ZDBF2: variants seen among roughly 807,000 people sequenced by gnomAD.
The protein encoded by ZDBF2 is DBF4-type zinc finger-containing protein 2.
In ZDBF2, 6 loss-of-function variants were observed where a neutral mutation model predicts 9.4. The observed-to-expected ratio is 0.64, with a 90% confidence interval of 0.35 to 1.27. The LOEUF is 1.27. Ranked by LOEUF, ZDBF2 falls within the 50% of genes most tolerant of loss-of-function variation. The pLI, the probability that ZDBF2 is intolerant of heterozygous loss-of-function variation, is 0.03. For synonymous variants in ZDBF2, 905 were observed against 946.3 expected (o/e 0.96, Z 0.80); for missense variants, 2,697 against 2,766.8 (o/e 0.97, Z 0.57).
At position 206,307,770 on chromosome 2, in the gene ZDBF2, CT is replaced by C. The variant is rs762467328; in HGVS notation, c.3246del (p.Phe1082LeufsTer13). On this transcript the variant is annotated frameshift_variant, in exon 5 of 5. Transcript: ENST00000374423. LOFTEE classifies it low-confidence loss of function (END_TRUNC). Reference sequence around the variant, plus strand: ...AGTAAATCAGGTGATTCTAAAATAACTTTTGATTCTGAACAACTTCAGGAAG... The same window carrying C: ...AGTAAATCAGGTGATTCTAAAATAACTTTGATTCTGAACAACTTCAGGAAG... The part of the protein sequence containing the change: ...KNSKSGDSKI[T>X]FDSEQLQEAV... The C allele has an allele frequency of 6.2e-7, 1 of 1,610,900 alleles. No homozygotes were observed. Among genetic ancestry groups the C allele is most frequent in the Non-Finnish European group, 8.5e-7 (1 of 1,179,156 alleles).
At chr2:206,302,738 TTATTTTC>T (rs972821795) in intron 4 of ZDBF2, among the ~76,000 whole-genome samples, 1 of 152,174 alleles carries the variant, frequency 6.6e-6, no homozygotes, top group Non-Finnish European at 1.5e-5. Flanking sequence ...AGGGTTAACT[TTATTTTC>T]TAAATTCAAA....
At chr2:206,301,595 A>T (rs1692502594) in intron 4 of ZDBF2, among the ~76,000 whole-genome samples, 1 of 151,884 alleles carries the variant, frequency 6.6e-6, no homozygotes, top group Non-Finnish European at 1.5e-5. Flanking sequence ...TCCTTGATTT[A>T]AAAAAAATCC....
Position 206,313,666 on chromosome 2 carries a change from C to T in ZDBF2, c.*2073C>T, listed in dbSNP as rs890765672. On this transcript the variant is annotated 3_prime_UTR_variant, in exon 5 of 5. Coordinates refer to ENST00000374423, the MANE Select transcript of ZDBF2 (RefSeq NM_020923.3). ...ACTATGTACCTATGATGTGTCATAT[C>T]GTGATTACATCATGCAGAGAGAACA... is the stretch of plus-strand genomic sequence containing the variant. 1 of 152,074 alleles carries T rather than the reference C, an allele frequency of 6.6e-6. No homozygotes were observed. Among genetic ancestry groups the T allele is most frequent in the Non-Finnish European group, 1.5e-5 (1 of 67,992 alleles). The allele number at this position is 152,074 out of a possible 1,614,324, so 9.4% of individuals were successfully genotyped here.
rs750026008 is a variant in ZDBF2, at chr2:206,305,005, G to A, written c.477G>A (p.Val159=). The A allele has an allele frequency of 6.2e-7, 1 of 1,613,634 alleles. No homozygotes were observed. Among genetic ancestry groups the A allele is most frequent in the South Asian group, 1.1e-5 (1 of 91,054 alleles). Residue 159 remains valine, a synonymous_variant, in exon 5 of 5, where the codon GTG becomes GTA. Transcript: ENST00000374423. The stretch of plus-strand genomic sequence containing the variant: ...TTGTTCATAAAATTGGGGCCAGTGT[G>A]AGAAAATGTAACCTAGTAGATATTG... The part of the protein sequence containing the change: ...LEFVHKIGAS[V]RKCNLVDIGQ...
chr2:206,303,441 C>CT (rs1231418802), intron 4 of ZDBF2, among the ~76,000 whole-genome samples: 1 of 152,056 alleles, frequency 6.6e-6, no homozygotes, highest in East Asian at 1.9e-4. Context: ...GTTTGCCCGA[C>CT]TTTAAGAATT....
intron 2 of ZDBF2, among the ~76,000 whole-genome samples, chr2:206,280,114 A>G (rs1691236844): frequency 6.6e-6 from 1 of 152,200 alleles, no homozygotes; most frequent in Non-Finnish European, 1.5e-5. Context: ...TGCCTTGAGC[A>G]TTTTAAATAT....
At chr2:206,298,456 T>C (rs185158638) in intron 4 of ZDBF2, among the ~76,000 whole-genome samples, 2 of 152,334 alleles carry the variant, frequency 1.3e-5, no homozygotes, top group East Asian at 3.9e-4. Flanking sequence ...ACAAGATGGT[T>C]TCTTAGCTGG....
In ZDBF2 at chr2:206,305,195, A is replaced by G. The variant is rs1268103835; in HGVS notation, c.667A>G (p.Lys223Glu). The change falls in exon 5 of 5, where the codon AAA (lysine) becomes GAA (glutamate). Residue 223 changes from lysine (K) to glutamate (E), a missense_variant. Lys to Glu is a moderately conservative substitution (Grantham distance 56). Transcript: ENST00000374423. ...TTCAGTTAGCAAATGTGACCCAAAC[A>G]AAGTTGAGAAATATCTTGAACAGCC... ...LDSVSKCDPN[K>E]VEKYLEQPDG... The G allele has an allele frequency of 1.5e-5, 24 of 1,613,766 alleles. No individual in the cohort carries two copies. Among genetic ancestry groups the G allele is most frequent in the Admixed American group, 3.3e-5 (2 of 59,950 alleles).
rs956527672 is a variant in ZDBF2, at chr2:206,307,190, G to A, written c.2662G>A (p.Glu888Lys). Reference protein sequence around the residue: ...APLHSVTNSPEVAVKKLNPQK... With the variant: ...APLHSVTNSPKVAVKKLNPQK... ...TCTTCATTCAGTGACTAATTCTCCC[G>A]AAGTAGCTGTTAAAAAGCTAAATCC... Residue 888 changes from glutamate to lysine, a missense_variant, in exon 5 of 5, where the codon GAA becomes AAA. By Grantham distance (56) the Glu-to-Lys change is moderately conservative. This residue lies in a region of ZDBF2 where 1,783 missense variants were observed against 1,776.5 expected (regional missense o/e 1.00). Coordinates refer to ENST00000374423, the MANE Select transcript of ZDBF2 (RefSeq NM_020923.3). 17 of 1,612,908 alleles carry A rather than the reference G, an allele frequency of 1.1e-5. No homozygotes were observed. The highest frequency in any genetic ancestry group is 6.7e-5 in the African/African-American group (5 of 74,858).
intron 4 of ZDBF2, among the ~76,000 whole-genome samples, chr2:206,297,609 T>C (rs570968944): frequency 1.3e-5 from 2 of 152,238 alleles, no homozygotes; most frequent in South Asian, 2.1e-4. Context: ...CTAATAATTA[T>C]ATATCATTAA....
intron 3 of ZDBF2, among the ~76,000 whole-genome samples, chr2:206,289,091 G>A (rs1158406854): frequency 6.6e-6 from 1 of 152,170 alleles, no homozygotes; most frequent in Non-Finnish European, 1.5e-5. Context: ...AGGATGAGGT[G>A]TCTAAGCGTA....
intron 2 of ZDBF2, among the ~76,000 whole-genome samples, chr2:206,281,537 A>G (rs752668999): frequency 1.8e-4 from 27 of 152,238 alleles, no homozygotes; most frequent in Non-Finnish European, 3.5e-4. Context: ...TACTAAATCA[A>G]TATCTAATAT....
At chr2:206,303,068 G>T (rs1222524538) in intron 4 of ZDBF2, among the ~76,000 whole-genome samples, 1 of 151,992 alleles carries the variant, frequency 6.6e-6, no homozygotes, top group Non-Finnish European at 1.5e-5. Context: ...ACAGTCCATG[G>T]TTTATTCAGA....
chr2:206,297,580 T>C (rs1385143997), intron 4 of ZDBF2, among the ~76,000 whole-genome samples: 1 of 152,218 alleles, frequency 6.6e-6, no homozygotes, highest in Non-Finnish European at 1.5e-5. Context: ...TATGTTTTTT[T>C]CTAAATAAAA....
chr2:206,287,802 A>G (rs1691678370), intron 3 of ZDBF2, among the ~76,000 whole-genome samples: 1 of 152,016 alleles, frequency 6.6e-6, no homozygotes, highest in Non-Finnish European at 1.5e-5. Context: ...ACTGATCTAA[A>G]AATTCAGAGA....
Position 206,307,291 on chromosome 2 carries a change from TATC to T in ZDBF2, c.2766_2768del (p.Ile923del), listed in dbSNP as rs1241978595. 3.7e-6 allele frequency: 6 copies of T among 1,609,702 alleles called. No individual in the cohort carries two copies. Among genetic ancestry groups the T allele is most frequent in the Non-Finnish European group, 5.1e-6 (6 of 1,178,716 alleles). On this transcript the variant is annotated inframe_deletion, in exon 5 of 5. Transcript: ENST00000374423. ...ATTCTGAAGTAAGTTTGGATTATAA[TATC>T]ATTTTTCATTCAGTGACTGGACGTT... is the stretch of plus-strand genomic sequence containing the variant.
Position 206,307,628 on chromosome 2 carries a change from G to A in ZDBF2, c.3100G>A (p.Asp1034Asn). ...KKQYVLENKN[D>N]KCSGSEIILD... is the part of the protein sequence containing the mutation. ...GCAATATGTTCTAGAAAACAAGAAT[G>A]ATAAATGTAGTGGTTCTGAAATAAT... The change falls in exon 5 of 5, where the codon GAT (aspartate) becomes AAT (asparagine). Residue 1034 changes from aspartate to asparagine, a missense_variant. Coordinates refer to ENST00000374423, the MANE Select transcript of ZDBF2 (RefSeq NM_020923.3). 1.2e-6 allele frequency: 2 copies of A among 1,612,120 alleles called. No individual in the cohort carries two copies. Among genetic ancestry groups the A allele is most frequent in the Admixed American group, 1.7e-5 (1 of 59,752 alleles).
rs1440024043 is a variant in ZDBF2 at position 206,310,142 on chromosome 2, G to A, written c.5614G>A (p.Gly1872Arg). The A allele has an allele frequency of 6.2e-7, 1 of 1,612,712 alleles. No homozygotes were observed. ...TGAGACCAAAAAAGTTTCTTCGAAG[G>A]GGAAAAAAAAGGTTACCTGGGCTGA... Reference protein sequence around the residue: ...DCETKKVSSKGKKKVTWADLQ... With the variant: ...DCETKKVSSKRKKKVTWADLQ... The change falls in exon 5 of 5, where the codon GGG (glycine) becomes AGG (arginine). Residue 1872 changes from glycine to arginine, a missense_variant. Gly to Arg is a moderately radical substitution (Grantham distance 125, BLOSUM62 -2). Transcript: ENST00000374423.
At chr2:206,298,554 G>A (rs1411633521) in intron 4 of ZDBF2, among the ~76,000 whole-genome samples, 2 of 152,094 alleles carry the variant, frequency 1.3e-5, no homozygotes, top group Non-Finnish European at 2.9e-5. Flanking sequence ...ACGGAGTCTT[G>A]CTGTGTCACC....
Sources: allele counts gnomAD v4.1 joint callset (sites outside exome capture counted in the v4.1 genomes callset), GRCh38; gene constraint gnomAD v4.1.1; regional missense constraint gnomAD v4.1.1; transcripts MANE v1.5; gene names NCBI Gene and HGNC (gene_info 2026-07-23, HGNC 2026-07-21).